The following VPS18 variants were observed in gnomAD, a reference collection of about 807,000 sequenced individuals.
VPS18 encodes the protein VPS18 core subunit of CORVET and HOPS complexes.
VPS18 carries 25 observed loss-of-function variants against 82.0 expected under a neutral mutation model. The observed-to-expected ratio is 0.30, with a 90% CI of 0.22 to 0.43. VPS18 has a LOEUF of 0.43. Among genes scored for constraint, VPS18 ranks in the 20% least tolerant of loss-of-function variants. The pLI is 1.00. For missense variants in VPS18, 1,168 were observed against 1,311.1 expected (o/e 0.89, Z 1.69); for synonymous variants, 523 against 543.0 (o/e 0.96, Z 0.51).
In VPS18 at chr15:40,900,722, A is replaced by G. The variant is rs748439481; in HGVS notation, c.1904A>G (p.Gln635Arg). 4.9e-5 allele frequency: 79 copies of G among 1,614,076 alleles called. No homozygotes were observed. The highest frequency in any genetic ancestry group is 4.1e-5 in the Non-Finnish European group (48 of 1,180,044). Residue 635 changes from glutamine to arginine, a missense_variant, in exon 4 of 5, where the codon CAG becomes CGG. Physicochemically the swap from Gln to Arg is conservative, Grantham distance 43. This residue lies in a region of VPS18 where 868 missense variants were observed against 939.8 expected (regional missense o/e 0.92). Coordinates refer to ENST00000220509, the MANE Select transcript of VPS18 (RefSeq NM_020857.3). The surrounding 1 kb of genome is among the most constrained non-coding windows in gnomAD (Gnocchi z 5.4). ...ATTCCTGCCCTGGTGAACTACAGCC[A>G]GGGTGGTGAGGTCCAGCAGGTGAGC... ...QLIPALVNYS[Q>R]GGEVQQVSQA...
chr15:40,902,981 C>T lies in VPS18; in HGVS notation c.2562C>T (p.Ala854=). The T allele has an allele frequency of 6.2e-7, 1 of 1,614,280 alleles. No homozygotes were observed. Among genetic ancestry groups the T allele is most frequent in the South Asian group, 1.1e-5 (1 of 91,090 alleles). The change falls in exon 5 of 5, where the codon GCC becomes GCT. Residue 854 remains alanine (A), a synonymous_variant. Transcript: ENST00000220509. This position sits in a 1 kb window ranked among gnomAD's most constrained non-coding sequence, Gnocchi z 4.2. The part of the protein sequence containing the change: ...YGTVEPQDKC[A]TCDFPLLNRP... Reference sequence around the variant, plus strand: ...CTGTGGAGCCCCAGGACAAATGTGCCACCTGCGACTTCCCCCTGCTCAACC... The same window carrying T: ...CTGTGGAGCCCCAGGACAAATGTGCTACCTGCGACTTCCCCCTGCTCAACC...
chr15:40,896,124 G>T (rs1892226012), intron 2 of VPS18, 45 bp downstream of exon 2: 1 of 1,608,024 alleles, frequency 6.2e-7, no homozygotes, highest in African/African-American at 1.3e-5. Flanking sequence ...CTAGAGAGGT[G>T]TTTGGGGACT....
At position 40,903,304 on chromosome 15, in the gene VPS18, C is replaced by CCCA. The variant is rs1892397704; in HGVS notation, c.2886_2888dup (p.Pro962_Gln963insHis). 6.4e-7 allele frequency: 1 copy of CCCA among 1,554,516 alleles called. No individual in the cohort carries two copies. The highest frequency in any genetic ancestry group is 1.4e-5 in the African/African-American group (1 of 73,184). On this transcript the variant is annotated inframe_insertion, in exon 5 of 5. Coordinates refer to ENST00000220509, the MANE Select transcript of VPS18 (RefSeq NM_020857.3). Reference sequence around the variant, plus strand: ...TCTATCGACCGGCCGTTCATCGACCCCCAGCGCTACGAGGAGGAGCAGCTC... The same window carrying CCCA: ...TCTATCGACCGGCCGTTCATCGACCCCCACCAGCGCTACGAGGAGGAGCAGCTC...
Position 40,900,678 on chromosome 15 carries a change from G to T in VPS18, c.1860G>T (p.Arg620=). ...LVDAWIEMGS[R]LDARQLIPAL... ...ATGCCTGGATTGAGATGGGCAGCCG[G>T]CTGGATGCTCGTCAGCTCATTCCTG... is the stretch of plus-strand genomic sequence containing the variant. Residue 620 remains arginine, a synonymous_variant, in exon 4 of 5, where the codon CGG becomes CGT. Transcript: ENST00000220509. The surrounding 1 kb of genome is among the most constrained non-coding windows in gnomAD (Gnocchi z 5.4). 1.9e-6 allele frequency: 3 copies of T among 1,614,186 alleles called. No homozygotes were observed. Among genetic ancestry groups the T allele is most frequent in the Non-Finnish European group, 2.5e-6 (3 of 1,180,042 alleles).
rs1294641546 is a variant in VPS18, at chr15:40,898,931, G to A, written c.258G>A (p.Glu86=). ...GCATTGACTTGGGCAAGGCAAATGA[G>A]CCCAACCACGTGGAGCTGGGACGTA... ...LLRIDLGKAN[E]PNHVELGRKD... is the part of the protein sequence containing the mutation. Residue 86 remains glutamate (E), a synonymous_variant, in exon 3 of 5, where the codon GAG becomes GAA. Transcript: ENST00000220509. The A allele has an allele frequency of 1.2e-6, 2 of 1,614,122 alleles. No homozygotes were observed. Among genetic ancestry groups the A allele is most frequent in the Non-Finnish European group, 1.7e-6 (2 of 1,180,014 alleles).
rs369399055 is a variant in VPS18 at position 40,899,642 on chromosome 15, C to G, written c.824C>G (p.Pro275Arg). Residue 275 changes from proline to arginine, a missense_variant, in exon 4 of 5, where the codon CCC becomes CGC. Around this residue, in one of 3 missense-constraint regions of VPS18, gnomAD observed 868 missense variants for 939.8 expected, o/e 0.92. Coordinates refer to ENST00000220509, the MANE Select transcript of VPS18 (RefSeq NM_020857.3). The surrounding 1 kb of genome is among the most constrained non-coding windows in gnomAD (Gnocchi z 4.4). ...TACAGTGAGTTGGCCTTCTACACCC[C>G]CAAGCTGCGCTCCGCACCCCGGGCC... ...LGYSELAFYT[P>R]KLRSAPRAFA... The G allele has an allele frequency of 4.5e-5, 73 of 1,612,740 alleles. No individual in the cohort carries two copies. In the South Asian group the frequency reaches 6.0e-4, roughly 13 times the overall value.
chr15:40,900,413 A>G lies in VPS18; in HGVS notation c.1595A>G (p.His532Arg). The G allele has an allele frequency of 1.2e-6, 2 of 1,613,962 alleles. No individual in the cohort carries two copies. Among genetic ancestry groups the G allele is most frequent in the Non-Finnish European group, 8.5e-7 (1 of 1,179,996 alleles). Residue 532 changes from histidine to arginine, a missense_variant, in exon 4 of 5, where the codon CAC (histidine) becomes CGC (arginine). By Grantham distance (29) the His-to-Arg change is conservative. Coordinates refer to ENST00000220509, the MANE Select transcript of VPS18 (RefSeq NM_020857.3). This position sits in a 1 kb window ranked among gnomAD's most constrained non-coding sequence, Gnocchi z 5.4. Reference protein sequence around the residue: ...CFRTFLSSPRHKEWLFASRAS... With the variant: ...CFRTFLSSPRRKEWLFASRAS... The stretch of plus-strand genomic sequence containing the variant: ...CGAACCTTCCTCAGCAGCCCCCGCC[A>G]CAAAGAGTGGCTCTTTGCCAGCCGG...
rs1892297213 is a variant in VPS18 at position 40,899,395 on chromosome 15, T to C, written c.577T>C (p.Leu193=). 3 of 1,606,590 alleles carry C rather than the reference T, an allele frequency of 1.9e-6. No homozygotes were observed. The highest frequency in any genetic ancestry group is 2.6e-6 in the Non-Finnish European group (3 of 1,174,214). ...GPAPDLYFRP[L]YVLNEEGGPA... ...TGCTCCGGATCTCTACTTCCGCCCATTGTACGTGCTAAATGAAGAAGGGGG... is the reference window on the plus strand; with the variant it reads ...TGCTCCGGATCTCTACTTCCGCCCACTGTACGTGCTAAATGAAGAAGGGGG... The change falls in exon 4 of 5, where the codon TTG becomes CTG. Residue 193 remains leucine, a synonymous_variant. Transcript: ENST00000220509. The surrounding 1 kb of genome is among the most constrained non-coding windows in gnomAD (Gnocchi z 4.4).
intron 4 of VPS18, 77 bp downstream of exon 4, chr15:40,901,091 G>A: frequency 6.7e-7 from 1 of 1,484,706 alleles, no homozygotes; most frequent in Non-Finnish European, 9.1e-7. Flanking sequence ...GGGCTTGGGG[G>A]GCCATGGCTA....
chr15:40,903,204 C>A lies in VPS18; in HGVS notation c.2785C>A (p.Arg929=), dbSNP rs368564220. Residue 929 remains arginine, a synonymous_variant, in exon 5 of 5, where the codon CGG becomes AGG. Coordinates refer to ENST00000220509, the MANE Select transcript of VPS18 (RefSeq NM_020857.3). ...TGGGGCTGCCACGGCAGGGCCCAGC[C>A]GGGAACAGCTCAAGGCTGACCTGGA... The part of the protein sequence containing the change: ...EGGAATAGPS[R]EQLKADLDEL... 15 of 1,610,860 alleles carry A rather than the reference C, an allele frequency of 9.3e-6. 1 individual carries two copies. Among genetic ancestry groups the A allele is most frequent in the East Asian group, 6.7e-5 (3 of 44,776 alleles).
Position 40,903,961 on chromosome 15 carries a change from ACTGT to A in VPS18, c.*624_*627del, listed in dbSNP as rs980004486. ...TGGTGATGGAGGTGGAGAGCATTAA[ACTGT>A]CTGCACTGCACTGGTGGCTTTGTGT... On this transcript the variant is annotated 3_prime_UTR_variant, in exon 5 of 5. Transcript: ENST00000220509. 2 of 152,850 alleles carry A rather than the reference ACTGT, an allele frequency of 1.3e-5. No homozygotes were observed. 9.5% of individuals were successfully genotyped at this position (152,850 alleles called of 1,614,324 possible). A position where few individuals can be genotyped will look rare whatever the true frequency, so the allele number is the denominator to read the frequency against.
In VPS18 at chr15:40,900,767, A is replaced by T. The variant is rs1335665372; in HGVS notation, c.1949A>T (p.Glu650Val). 1 of 1,614,088 alleles carries T rather than the reference A, an allele frequency of 6.2e-7. No homozygotes were observed. Among genetic ancestry groups the T allele is most frequent in the Non-Finnish European group, 8.5e-7 (1 of 1,180,034 alleles). The change falls in exon 4 of 5, where the codon GAG (glutamate) becomes GTG (valine). Residue 650 changes from glutamate to valine, a missense_variant. Physicochemically the swap from Glu to Val is moderately radical, Grantham distance 121 (BLOSUM62 -2). Transcript: ENST00000220509. This position sits in a 1 kb window ranked among gnomAD's most constrained non-coding sequence, Gnocchi z 5.4. Reference protein sequence around the residue: ...QQVSQAIRYMEFCVNVLGETE... With the variant: ...QQVSQAIRYMVFCVNVLGETE... ...GTGAGCCAGGCCATCCGCTACATGG[A>T]GTTCTGCGTGAACGTGCTGGGGGAG...
In VPS18 at chr15:40,901,704, G is replaced by A. The variant is rs543482401; in HGVS notation, c.2196+690G>A. Among the ~76,000 whole-genome samples, 4 of 152,200 alleles carry A rather than the reference G, an allele frequency of 2.6e-5. No individual in the cohort carries two copies. In the East Asian group the frequency reaches 5.8e-4, roughly 22 times the overall value. On this transcript the variant is annotated intron_variant, in intron 4 of 4. Coordinates refer to ENST00000220509, the MANE Select transcript of VPS18 (RefSeq NM_020857.3). Reference sequence around the variant, plus strand: ...GTGGATCACCTGAGGTCAGGAGTTCGAGACCAGCCTGGCCAACATGTCGAA... The same window carrying A: ...GTGGATCACCTGAGGTCAGGAGTTCAAGACCAGCCTGGCCAACATGTCGAA...
At position 40,894,822 on chromosome 15, in the gene VPS18, G is replaced by T. The variant is rs771604365; in HGVS notation, c.54G>T (p.Leu18Phe). The T allele has an allele frequency of 5.5e-5, 85 of 1,555,504 alleles. No homozygotes were observed. Among genetic ancestry groups the T allele is most frequent in the Non-Finnish European group, 6.9e-5 (79 of 1,149,652 alleles). ...YENSLSRSAV[L>F]QPGCPSVGIP... Reference sequence around the variant, plus strand: ...ACTCGCTGTCCCGCTCGGCCGTCTTGCAGCCCGGCTGCCCTAGCGTGGGCA... The same window carrying T: ...ACTCGCTGTCCCGCTCGGCCGTCTTTCAGCCCGGCTGCCCTAGCGTGGGCA... Residue 18 changes from leucine to phenylalanine, a missense_variant, in exon 1 of 5, where the codon TTG becomes TTT. Leu to Phe is a conservative substitution (Grantham distance 22). Coordinates refer to ENST00000220509, the MANE Select transcript of VPS18 (RefSeq NM_020857.3).
chr15:40,901,454 G>A (rs971921821), intron 4 of VPS18, among the ~76,000 whole-genome samples: 1 of 152,018 alleles, frequency 6.6e-6, no homozygotes, highest in Admixed American at 6.6e-5. Context: ...GGACATTGTG[G>A]TGCATGCCTG....
In VPS18 at chr15:40,894,789, G is replaced by C; in HGVS notation, c.21G>C (p.Glu7Asp). The change falls in exon 1 of 5, where the codon GAG becomes GAC. Residue 7 changes from glutamate to aspartate, a missense_variant. By Grantham distance (45) the Glu-to-Asp change is conservative. Coordinates refer to ENST00000220509, the MANE Select transcript of VPS18 (RefSeq NM_020857.3). MASILD[E>D]YENSLSRSAV... Reference sequence around the variant, plus strand: ...GCACCATGGCGTCCATCCTGGATGAGTACGAGAACTCGCTGTCCCGCTCGG... The same window carrying C: ...GCACCATGGCGTCCATCCTGGATGACTACGAGAACTCGCTGTCCCGCTCGG... 1.9e-6 allele frequency: 3 copies of C among 1,553,510 alleles called. No individual in the cohort carries two copies. Among genetic ancestry groups the C allele is most frequent in the Non-Finnish European group, 2.6e-6 (3 of 1,148,246 alleles).
At position 40,900,899 on chromosome 15, in the gene VPS18, A is replaced by T. The variant is rs778923086; in HGVS notation, c.2081A>T (p.His694Leu). 6.2e-7 allele frequency: 1 copy of T among 1,614,084 alleles called. No individual in the cohort carries two copies. The highest frequency in any genetic ancestry group is 8.5e-7 in the Non-Finnish European group (1 of 1,180,046). The change falls in exon 4 of 5, where the codon CAT becomes CTT. Residue 694 changes from histidine to leucine, a missense_variant. His to Leu is a moderately conservative substitution (Grantham distance 99). Transcript: ENST00000220509. The surrounding 1 kb of genome is among the most constrained non-coding windows in gnomAD (Gnocchi z 5.4). ...GCTGGGGCCAGCCCCCACCGGGTGC[A>T]TTACGACCTCAAGTATGCGCTGCGG... ...EQAGASPHRVHYDLKYALRLC... is the reference protein window; with the variant it reads ...EQAGASPHRVLYDLKYALRLC...
chr15:40,900,108 C>T lies in VPS18; in HGVS notation c.1290C>T (p.Ala430=), dbSNP rs759168808. Residue 430 remains alanine, a synonymous_variant, in exon 4 of 5, where the codon GCC becomes GCT. Transcript: ENST00000220509. This position sits in a 1 kb window ranked among gnomAD's most constrained non-coding sequence, Gnocchi z 5.4. ...DCLDTVLARE[A]DFCFRQRRYL... is the part of the protein sequence containing the mutation. Reference sequence around the variant, plus strand: ...TGGACACGGTCCTGGCCCGGGAGGCCGATTTCTGCTTTCGCCAGCGTCGCT... The same window carrying T: ...TGGACACGGTCCTGGCCCGGGAGGCTGATTTCTGCTTTCGCCAGCGTCGCT... The T allele has an allele frequency of 1.9e-5, 31 of 1,613,688 alleles. No homozygotes were observed. Among genetic ancestry groups the T allele is most frequent in the Admixed American group, 5.0e-5 (3 of 60,004 alleles).
At position 40,896,183 on chromosome 15, in the gene VPS18, T is replaced by C. The variant is rs1392464438; in HGVS notation, c.233+104T>C. The C allele has an allele frequency of 4.0e-6, 6 of 1,507,106 alleles. No homozygotes were observed. In the Admixed American group the frequency reaches 9.9e-5, roughly 25 times the overall value. The allele number at this position is 1,507,106 out of a possible 1,614,324, so 93.4% of individuals were successfully genotyped here. A position where few individuals can be genotyped will look rare whatever the true frequency, so the allele number is the denominator to read the frequency against. On this transcript the variant is annotated intron_variant, in intron 2 of 4. Coordinates refer to ENST00000220509, the MANE Select transcript of VPS18 (RefSeq NM_020857.3). ...TATTCCAGGCAAGTAAAGCAGTGAATTTGGAGTTTTCAGGAAATATCCTAT... is the reference window on the plus strand; with the variant it reads ...TATTCCAGGCAAGTAAAGCAGTGAACTTGGAGTTTTCAGGAAATATCCTAT...
Sources: gnomAD v4.1 joint callset for allele counts (sites outside exome capture counted in the v4.1 genomes callset) on GRCh38, gnomAD v4.1.1 for gene constraint, gnomAD v4.1.1 regional missense constraint, Gnocchi (gnomAD v3.1) non-coding constraint, MANE v1.5 for transcripts, NCBI Gene and HGNC (gene_info 2026-07-23, HGNC 2026-07-21) for gene names.